The following RBFOX1 variants were observed in gnomAD, a reference collection of about 807,000 sequenced individuals.
RBFOX1 encodes RNA binding fox-1 homolog 1, also known as RNA binding protein fox-1 homolog 1.
In RBFOX1, 8 loss-of-function variants were observed where a neutral mutation model predicts 57.7. The observed-to-expected ratio is 0.14, with a 90% CI of 0.08 to 0.25. The LOEUF (loss-of-function observed/expected upper bound fraction) is 0.25, where lower values mean the gene tolerates loss of function less well. Among genes scored for constraint, RBFOX1 ranks in the 10% least tolerant of loss-of-function variants. The pLI, the probability that RBFOX1 is intolerant of heterozygous loss-of-function variation, is 1.00. For synonymous variants in RBFOX1, 326 were observed against 222.4 expected (o/e 1.47, Z -4.15); for missense variants, 611 against 548.5 (o/e 1.11, Z -1.14).
intron 3 of RBFOX1, among the ~76,000 whole-genome samples, chr16:6,800,298 C>G (rs924077129): frequency 6.6e-6 from 1 of 151,784 alleles, no homozygotes; most frequent in Non-Finnish European, 1.5e-5. Context: ...CACCTTAGTC[C>G]TGGGCCAACC....
At chr16:7,105,778 ATG>A (rs772747909) in intron 4 of RBFOX1, among the ~76,000 whole-genome samples, 4,863 of 105,718 alleles carry the variant, frequency 0.046, 140 homozygotes, top group South Asian at 0.13. Context: ...ATCTATGTAG[ATG>A]TATATAGAGA....
At chr16:7,395,732 TAC>T (rs1159148976) in intron 4 of RBFOX1, among the ~76,000 whole-genome samples, 2 of 152,214 alleles carry the variant, frequency 1.3e-5, no homozygotes, top group Non-Finnish European at 2.9e-5. Flanking sequence ...AAGGGACAAA[TAC>T]ATTTCTGAAA....
At chr16:6,495,373 C>T (rs937420513) in intron 2 of RBFOX1, among the ~76,000 whole-genome samples, 6 of 151,614 alleles carry the variant, frequency 4.0e-5, no homozygotes, top group Non-Finnish European at 7.4e-5. Context: ...CCGCCCCCCG[C>T]CCCCGCCTTG....
chr16:5,783,838 G>C (rs965391278), intron 3 of RBFOX1, among the ~76,000 whole-genome samples: 3 of 152,096 alleles, frequency 2.0e-5, no homozygotes, highest in Admixed American at 2.0e-4. Context: ...TCTGTGTCTT[G>C]GTTGCTCATC....
At chr16:7,088,317 T>A (rs950389119) in intron 4 of RBFOX1, among the ~76,000 whole-genome samples, 1 of 152,118 alleles carries the variant, frequency 6.6e-6, no homozygotes, top group African/African-American at 2.4e-5. Flanking sequence ...ATGGCTTTGT[T>A]TATTTGTTTT....
chr16:7,680,239 G>A (rs1315773271), intron 14 of RBFOX1, among the ~76,000 whole-genome samples: 1 of 152,176 alleles, frequency 6.6e-6, no homozygotes, highest in Non-Finnish European at 1.5e-5. Flanking sequence ...TGACTTGGTT[G>A]TTGTTGCATC....
intron 1 of RBFOX1, among the ~76,000 whole-genome samples, chr16:6,063,436 C>T (rs994305002): frequency 2.0e-5 from 3 of 150,408 alleles, no homozygotes; most frequent in African/African-American, 7.4e-5. Flanking sequence ...CAAGCATTAT[C>T]CATCATTAGC....
At chr16:7,473,534 G>C (rs2061994425) in intron 4 of RBFOX1, among the ~76,000 whole-genome samples, 1 of 148,758 alleles carries the variant, frequency 6.7e-6, no homozygotes, top group South Asian at 2.1e-4. Flanking sequence ...TATATATAAA[G>C]GACCTTGACT....
intron 3 of RBFOX1, among the ~76,000 whole-genome samples, chr16:6,980,019 C>T (rs1018937633): frequency 1.3e-5 from 2 of 151,632 alleles, no homozygotes; most frequent in African/African-American, 2.4e-5. Flanking sequence ...TTAATGGTGT[C>T]ATTATAGTGT....
intron 3 of RBFOX1, among the ~76,000 whole-genome samples, chr16:5,665,242 C>G (rs2049801776): frequency 1.3e-5 from 2 of 152,040 alleles, no homozygotes; most frequent in Admixed American, 6.5e-5. Context: ...GGAGCCACTG[C>G]TTCTGGCCAA....
In RBFOX1 at chr16:5,773,671, T is replaced by C. The variant is rs1199556497; in HGVS notation, c.319-93632T>C. Among the ~76,000 whole-genome samples the C allele has an allele frequency of 2.0e-5, 3 of 152,192 alleles. No homozygotes were observed. The East Asian group carries it at 5.8e-4, about 29-fold the overall frequency. ...ATGGGATTATTTCTGAAAAATAGAA[T>C]TGCCAGGTGGAAAAGCATGTGCATT... On this transcript the variant is annotated intron_variant, in intron 3 of 19. Coordinates refer to the RBFOX1 transcript ENST00000641259.
intron 4 of RBFOX1, among the ~76,000 whole-genome samples, chr16:5,911,613 C>G (rs575342875): frequency 1.3e-5 from 2 of 152,278 alleles, no homozygotes; most frequent in African/African-American, 2.4e-5. Context: ...TTGTTTTACT[C>G]TGTTTGGGCT....
intron 2 of RBFOX1, among the ~76,000 whole-genome samples, chr16:6,462,956 T>G (rs1160101740): frequency 6.6e-6 from 1 of 152,244 alleles, no homozygotes; most frequent in Non-Finnish European, 1.5e-5. Flanking sequence ...CTTCGTATCT[T>G]AAAGCTGTTC....
chr16:5,989,322 CTCTG>C (rs2060345127), intron 4 of RBFOX1, among the ~76,000 whole-genome samples: 1 of 151,864 alleles, frequency 6.6e-6, no homozygotes, highest in South Asian at 2.1e-4. Flanking sequence ...CAGAGCAAGA[CTCTG>C]TCTGAAAAAA....
rs372977620 is a variant in RBFOX1 at position 6,695,145 on chromosome 16, C to A, written c.-16+40495C>A. ...AAAAGGAAAAAAAACAATGGCCGGGCGCAGTAGCTCATGCCTGAAATCCCA... is the reference window on the plus strand; with the variant it reads ...AAAAGGAAAAAAAACAATGGCCGGGAGCAGTAGCTCATGCCTGAAATCCCA... On this transcript the variant is annotated intron_variant, in intron 3 of 15. Coordinates refer to ENST00000550418, the MANE Select transcript of RBFOX1 (RefSeq NM_018723.4). Among the ~76,000 whole-genome samples, 44 of 152,116 alleles carry A rather than the reference C, an allele frequency of 2.9e-4. 1 individual carries two copies. The East Asian group carries it at 7.6e-3, about 26-fold the overall frequency.
At chr16:7,692,237 A>G (rs1334237909) in intron 14 of RBFOX1, among the ~76,000 whole-genome samples, 1 of 152,132 alleles carries the variant, frequency 6.6e-6, no homozygotes, top group Non-Finnish European at 1.5e-5. Context: ...TTCTCAAAGC[A>G]TGTATAACTT....
chr16:7,334,415 C>T (rs571268675), intron 4 of RBFOX1, among the ~76,000 whole-genome samples: 1 of 152,098 alleles, frequency 6.6e-6, no homozygotes, highest in African/African-American at 2.4e-5. Flanking sequence ...GTTAACAGGC[C>T]TGTTGCTGCT....
intron 4 of RBFOX1, among the ~76,000 whole-genome samples, chr16:7,448,224 G>T (rs191733483): frequency 6.2e-4 from 95 of 152,338 alleles, no homozygotes; most frequent in African/African-American, 2.1e-3. Context: ...AGTTCTGGAA[G>T]TTGGAAGTCG....
intron 3 of RBFOX1, among the ~76,000 whole-genome samples, chr16:6,979,459 G>C (rs1255856368): frequency 6.6e-6 from 1 of 152,148 alleles, no homozygotes; most frequent in African/African-American, 2.4e-5. Flanking sequence ...GTGATTTACA[G>C]CATCTGTTCT....
Sources: gnomAD v4.1 joint callset for allele counts (sites outside exome capture counted in the v4.1 genomes callset) on GRCh38, gnomAD v4.1.1 for gene constraint, MANE v1.5 for transcripts, NCBI Gene and HGNC (gene_info 2026-07-23, HGNC 2026-07-21) for gene names.